SLC16A10: variants seen among roughly 807,000 people sequenced by gnomAD.
The protein encoded by SLC16A10 is monocarboxylate transporter 10.
In SLC16A10, 27 loss-of-function variants were observed where a neutral mutation model predicts 40.0. The observed-to-expected ratio is 0.67, with a 90% CI of 0.50 to 0.93. The LOEUF (loss-of-function observed/expected upper bound fraction) is 0.93, where lower values mean the gene tolerates loss of function less well. SLC16A10 is among the 40% of genes least tolerant of loss of function. The pLI is 0.00. For missense variants in SLC16A10, 529 were observed against 658.2 expected (o/e 0.80, Z 2.15); for synonymous variants, 213 against 249.8 (o/e 0.85, Z 1.39).
intron 1 of SLC16A10, among the ~76,000 whole-genome samples, chr6:111,159,369 C>G (rs1251280517): frequency 2.0e-5 from 3 of 152,174 alleles, no homozygotes; most frequent in East Asian, 1.9e-4. Context: ...ACTCATTTCT[C>G]CTTGTGCACA....
chr6:111,132,915 A>G (rs889823918), intron 1 of SLC16A10, among the ~76,000 whole-genome samples: 7 of 152,190 alleles, frequency 4.6e-5, no homozygotes, highest in Admixed American at 2.6e-4. Context: ...CATGCGAGCT[A>G]TTTGCACTCA....
At chr6:111,118,125 A>T (rs921188394) in intron 1 of SLC16A10, among the ~76,000 whole-genome samples, 2 of 152,268 alleles carry the variant, frequency 1.3e-5, no homozygotes, top group Non-Finnish European at 2.9e-5. Context: ...AATGCACAAC[A>T]TAATTTAAGA....
chr6:111,092,315 G>GTTTTTTTTTTTTTTT (rs1173275647), intron 1 of SLC16A10, among the ~76,000 whole-genome samples: 3 of 98,592 alleles, frequency 3.0e-5, no homozygotes, highest in Admixed American at 1.2e-4. Context: ...TTTTTTTGTT[G>GTTTTTTTTTTTTTTT]TTTTTTTTTT....
chr6:111,113,354 T>G (rs1478439838), intron 1 of SLC16A10, among the ~76,000 whole-genome samples: 2 of 152,204 alleles, frequency 1.3e-5, no homozygotes, highest in Non-Finnish European at 2.9e-5. Context: ...GCTCCATGTG[T>G]GCTTGTGAAA....
intron 3 of SLC16A10, among the ~76,000 whole-genome samples, chr6:111,204,940 T>A (rs938101320): frequency 1.3e-5 from 2 of 152,120 alleles, no homozygotes; most frequent in East Asian, 1.9e-4. Context: ...TTTTTTTTTT[T>A]AATCCAGGCT....
rs1260555729 is a variant in SLC16A10 at position 111,224,952 on chromosome 6, TC to T, written c.*2718del. 1 of 152,202 alleles carries T rather than the reference TC, an allele frequency of 6.6e-6. No homozygotes were observed. The highest frequency in any genetic ancestry group is 2.4e-5 in the African/African-American group (1 of 41,460). The allele number at this position is 152,202 out of a possible 1,614,324, so 9.4% of individuals were successfully genotyped here. ...GTTTTTGATAAGACTCAGAAAATTC[TC>T]AAATTCGAAAGGTTCTGGCATTTGA... On this transcript the variant is annotated 3_prime_UTR_variant, in exon 6 of 6. Transcript: ENST00000368851.
chr6:111,089,113 T>TA (rs1770928228), intron 1 of SLC16A10, among the ~76,000 whole-genome samples: 1 of 152,172 alleles, frequency 6.6e-6, no homozygotes, highest in Non-Finnish European at 1.5e-5. Context: ...TCTTTTTTTT[T>TA]AACCTTGATT....
intron 1 of SLC16A10, among the ~76,000 whole-genome samples, chr6:111,112,183 C>A (rs1771400648): frequency 6.6e-6 from 1 of 151,982 alleles, no homozygotes; most frequent in African/African-American, 2.4e-5. Context: ...GCATGCACCA[C>A]CATGCCTGGC....
At chr6:111,205,964 C>T (rs916867958) in intron 3 of SLC16A10, among the ~76,000 whole-genome samples, 3 of 152,108 alleles carry the variant, frequency 2.0e-5, no homozygotes, top group African/African-American at 7.2e-5. Context: ...CTTGGGTGAC[C>T]TTGAGAGAAC....
chr6:111,193,121 G>A (rs1773024078), intron 3 of SLC16A10, among the ~76,000 whole-genome samples: 1 of 152,030 alleles, frequency 6.6e-6, no homozygotes, highest in Non-Finnish European at 1.5e-5. Flanking sequence ...CAAAGTGCTG[G>A]GATTACAGAT....
intron 3 of SLC16A10, among the ~76,000 whole-genome samples, chr6:111,200,032 A>T (rs1421640510): frequency 6.6e-6 from 1 of 151,876 alleles, no homozygotes; most frequent in Non-Finnish European, 1.5e-5. Flanking sequence ...GCCATGCATG[A>T]TTATCTACAC....
intron 1 of SLC16A10, among the ~76,000 whole-genome samples, chr6:111,165,110 A>G (rs1030833724): frequency 6.6e-6 from 1 of 152,232 alleles, no homozygotes; most frequent in African/African-American, 2.4e-5. Flanking sequence ...TCCTAATTAG[A>G]TTACTGACCT....
At position 111,230,902 on chromosome 6, in the gene SLC16A10, C is replaced by T. The variant is rs1267231741; in HGVS notation, c.*8667C>T. ...CACCGCAGTGCAGCTCTGCTTCTCTCCCAACCTACCCTGGGGCCATTTTTG... is the reference window on the plus strand; with the variant it reads ...CACCGCAGTGCAGCTCTGCTTCTCTTCCAACCTACCCTGGGGCCATTTTTG... On this transcript the variant is annotated 3_prime_UTR_variant, in exon 6 of 6. Transcript: ENST00000368851. 1 of 152,182 alleles carries T rather than the reference C, an allele frequency of 6.6e-6. No individual in the cohort carries two copies. The highest frequency in any genetic ancestry group is 1.5e-5 in the Non-Finnish European group (1 of 68,044). 9.4% of individuals were successfully genotyped at this position (152,182 alleles called of 1,614,324 possible). A position where few individuals can be genotyped will look rare whatever the true frequency, so the allele number is the denominator to read the frequency against.
At chr6:111,132,206 A>G (rs1014518170) in intron 1 of SLC16A10, among the ~76,000 whole-genome samples, 1 of 152,172 alleles carries the variant, frequency 6.6e-6, no homozygotes, top group African/African-American at 2.4e-5. Flanking sequence ...AGAGAGAGAC[A>G]GAGACAGAGG....
At chr6:111,132,488 G>A (rs527940953) in intron 1 of SLC16A10, among the ~76,000 whole-genome samples, 1 of 152,258 alleles carries the variant, frequency 6.6e-6, no homozygotes, top group Admixed American at 6.5e-5. Flanking sequence ...CACGTGGATG[G>A]GCCAAAGGCA....
chr6:111,164,500 C>A (rs1408581685), intron 1 of SLC16A10, among the ~76,000 whole-genome samples: 3 of 152,128 alleles, frequency 2.0e-5, no homozygotes, highest in African/African-American at 7.2e-5. Context: ...TGGCTCACAC[C>A]TGTAATCCCA....
chr6:111,154,163 C>T (rs1772226217), intron 1 of SLC16A10, among the ~76,000 whole-genome samples: 1 of 152,078 alleles, frequency 6.6e-6, no homozygotes, highest in African/African-American at 2.4e-5. Context: ...AAAAATTTTT[C>T]TTCTTAACTA....
chr6:111,174,442 GA>G (rs559696558), intron 2 of SLC16A10, among the ~76,000 whole-genome samples: 436 of 147,086 alleles, frequency 3.0e-3, no homozygotes, highest in African/African-American at 0.01. Context: ...ATCTAATTTA[GA>G]AATTCTATTT....
At chr6:111,143,662 A>C (rs187792667) in intron 1 of SLC16A10, among the ~76,000 whole-genome samples, 11 of 152,344 alleles carry the variant, frequency 7.2e-5, no homozygotes, top group African/African-American at 2.6e-4. Context: ...CGAAGGCAAC[A>C]ATAAAAAGAT....
Sources: gnomAD v4.1 joint callset for allele counts (sites outside exome capture counted in the v4.1 genomes callset) on GRCh38, gnomAD v4.1.1 for gene constraint, MANE v1.5 for transcripts, NCBI Gene and HGNC (gene_info 2026-07-23, HGNC 2026-07-21) for gene names.